TRIP6: variants seen among roughly 807,000 people sequenced by gnomAD.
TRIP6 encodes the protein thyroid hormone receptor interactor 6, also known as thyroid receptor-interacting protein 6.
Under a neutral mutation model 51.9 loss-of-function variants are expected in TRIP6, and 33 were observed. The ratio of observed to expected loss-of-function variants is 0.64; its 90% CI spans 0.48 to 0.85. The LOEUF (loss-of-function observed/expected upper bound fraction) is 0.85, where lower values mean the gene tolerates loss of function less well. Among genes scored for constraint, TRIP6 ranks in the 40% least tolerant of loss-of-function variants. The pLI, the probability that TRIP6 is intolerant of heterozygous loss-of-function variation, is 0.00. For missense variants in TRIP6, 661 were observed against 652.1 expected (o/e 1.01, Z -0.15); for synonymous variants, 255 against 275.8 (o/e 0.92, Z 0.75).
At position 100,867,448 on chromosome 7, in the gene TRIP6, C is replaced by G. The variant is rs1042917424; in HGVS notation, c.-50C>G. 4.5e-6 allele frequency: 6 copies of G among 1,330,818 alleles called. No homozygotes were observed. Among genetic ancestry groups the G allele is most frequent in the Non-Finnish European group, 5.9e-6 (6 of 1,009,620 alleles). The allele number at this position is 1,330,818 out of a possible 1,614,324, so 82.4% of individuals were successfully genotyped here. ...GCGGGACGGAAGAGGGGGTGAAGGCCAGAGGCTCGGGGCTTCAAGACCGCT... is the reference window on the plus strand; with the variant it reads ...GCGGGACGGAAGAGGGGGTGAAGGCGAGAGGCTCGGGGCTTCAAGACCGCT... On this transcript the variant is annotated 5_prime_UTR_variant, in exon 1 of 9. Transcript: ENST00000200457. This position sits in a 1 kb window ranked among gnomAD's most constrained non-coding sequence, Gnocchi z 5.4.
rs79466736 is a variant in TRIP6, at chr7:100,870,430, G to A, written c.796G>A (p.Asp266Asn). 60 of 1,611,998 alleles carry A rather than the reference G, an allele frequency of 3.7e-5. No homozygotes were observed. Among genetic ancestry groups the A allele is most frequent in the East Asian group, 6.7e-5 (3 of 44,828 alleles). ...TAGGCTGACGAAGAAGCTGGTTCACGACATGAACCACCCGCCCAGCGGGGA... is the reference window on the plus strand; with the variant it reads ...TAGGCTGACGAAGAAGCTGGTTCACAACATGAACCACCCGCCCAGCGGGGA... ...LDRLTKKLVH[D>N]MNHPPSGEYF... Residue 266 changes from aspartate (D) to asparagine (N), a missense_variant, in exon 5 of 9, where the codon GAC becomes AAC. Physicochemically the swap from Asp to Asn is conservative, Grantham distance 23. Transcript: ENST00000200457.
At position 100,868,157 on chromosome 7, in the gene TRIP6, A is replaced by T; in HGVS notation, c.287A>T (p.Glu96Val). 2.5e-6 allele frequency: 4 copies of T among 1,611,488 alleles called. No homozygotes were observed. Among genetic ancestry groups the T allele is most frequent in the Non-Finnish European group, 3.4e-6 (4 of 1,179,154 alleles). The change falls in exon 3 of 9, where the codon GAG (glutamate) becomes GTG (valine). Residue 96 changes from glutamate (E) to valine (V), a missense_variant. Physicochemically the swap from Glu to Val is moderately radical, Grantham distance 121. Transcript: ENST00000200457. The stretch of plus-strand genomic sequence containing the variant: ...CTTCGCCCTGGAAGCCTGGACGCCG[A>T]GATAGACTTGCTGAGCAGCACGCTG... Reference protein sequence around the residue: ...GGLRPGSLDAEIDLLSSTLAE... With the variant: ...GGLRPGSLDAVIDLLSSTLAE...
chr7:100,867,872 C>T lies in TRIP6; in HGVS notation c.121C>T (p.His41Tyr). 6.5e-7 allele frequency: 1 copy of T among 1,535,748 alleles called. No individual in the cohort carries two copies. Among genetic ancestry groups the T allele is most frequent in the Non-Finnish European group, 8.7e-7 (1 of 1,150,176 alleles). ...PPAHGAALQP[H>Y]PRVNFCPLPS... ...TTCCCTCAACCCAGCACTCCAGCCC[C>T]ACCCCAGGGTCAATTTTTGCCCCCT... Residue 41 changes from histidine (H) to tyrosine (Y), a missense_variant, in exon 2 of 9, where the codon CAC becomes TAC. Physicochemically the swap from His to Tyr is moderately conservative, Grantham distance 83 (BLOSUM62 2). Transcript: ENST00000200457. The surrounding 1 kb of genome is among the most constrained non-coding windows in gnomAD (Gnocchi z 5.4).
At chr7:100,868,469 G>A (rs372006313) in intron 3 of TRIP6, 26 bp from the exon 4 acceptor site, 6 of 1,612,904 alleles carry the variant, frequency 3.7e-6, no homozygotes, top group African/African-American at 2.7e-5. Context: ...CCTTGCTTAC[G>A]ACTTCTGGCC....
Position 100,868,743 on chromosome 7 carries a change from C to T in TRIP6, c.612C>T (p.Gly204=), listed in dbSNP as rs370172890. The change falls in exon 4 of 9, where the codon GGC becomes GGT. Residue 204 remains glycine, a synonymous_variant. Transcript: ENST00000200457. ...CGGGCCCCCACTTTCCTCTCCCAGG[C>T]CGAGGTGAAGTCTGGGGGCCTGGCT... ...PLPGPHFPLP[G]RGEVWGPGYR... 104 of 1,556,124 alleles carry T rather than the reference C, an allele frequency of 6.7e-5. No homozygotes were observed. The highest frequency in any genetic ancestry group is 8.4e-5 in the Non-Finnish European group (97 of 1,154,684).
At position 100,870,597 on chromosome 7, in the gene TRIP6, G is replaced by C. The variant is rs1159923770; in HGVS notation, c.853G>C (p.Asp285His). ...AGGCCAGTGTGGTGGCTGCGGAGAA[G>C]ATGTGGTTGGGGATGGGGCTGGGGT... ...YFGQCGGCGE[D>H]VVGDGAGVVA... Residue 285 changes from aspartate to histidine, a missense_variant, in exon 6 of 9, where the codon GAT becomes CAT. Coordinates refer to ENST00000200457, the MANE Select transcript of TRIP6 (RefSeq NM_003302.3). 1.9e-6 allele frequency: 3 copies of C among 1,614,156 alleles called. No individual in the cohort carries two copies. The highest frequency in any genetic ancestry group is 2.5e-6 in the Non-Finnish European group (3 of 1,180,000).
Position 100,868,169 on chromosome 7 carries a change from T to C in TRIP6, c.299T>C (p.Leu100Pro). ...PGSLDAEIDL[L>P]SSTLAELNGG... is the part of the protein sequence containing the mutation. Reference sequence around the variant, plus strand: ...AGCCTGGACGCCGAGATAGACTTGCTGAGCAGCACGCTGGCCGAGCTGAAT... The same window carrying C: ...AGCCTGGACGCCGAGATAGACTTGCCGAGCAGCACGCTGGCCGAGCTGAAT... The change falls in exon 3 of 9, where the codon CTG (leucine) becomes CCG (proline). Residue 100 changes from leucine (L) to proline (P), a missense_variant. Coordinates refer to ENST00000200457, the MANE Select transcript of TRIP6 (RefSeq NM_003302.3). The C allele has an allele frequency of 6.2e-7, 1 of 1,610,060 alleles. No homozygotes were observed. The highest frequency in any genetic ancestry group is 8.5e-7 in the Non-Finnish European group (1 of 1,178,634).
chr7:100,872,655 G>A lies in TRIP6; in HGVS notation c.1210G>A (p.Gly404Arg), dbSNP rs1815298089. ...TGCCCCAAGATGCTCAGTGTGCGGT[G>A]GGGCCATAATGCCTGAGCCAGGTCA... ...KFAPRCSVCG[G>R]AIMPEPGQEE... Residue 404 changes from glycine (G) to arginine (R), a missense_variant, in exon 8 of 9, where the codon GGG (glycine) becomes AGG (arginine). Coordinates refer to ENST00000200457, the MANE Select transcript of TRIP6 (RefSeq NM_003302.3). 6.2e-6 allele frequency: 10 copies of A among 1,614,070 alleles called. No individual in the cohort carries two copies. The highest frequency in any genetic ancestry group is 8.5e-6 in the Non-Finnish European group (10 of 1,179,966).
chr7:100,870,402 G>A lies in TRIP6; in HGVS notation c.768G>A (p.Leu256=), dbSNP rs961493866. 6.2e-7 allele frequency: 1 copy of A among 1,612,530 alleles called. No individual in the cohort carries two copies. Among genetic ancestry groups the A allele is most frequent in the Non-Finnish European group, 8.5e-7 (1 of 1,180,014 alleles). Residue 256 remains leucine (L), a synonymous_variant, in exon 5 of 9, where the codon CTG becomes CTA. Transcript: ENST00000200457. ...VPLSQPPEDE[L]DRLTKKLVHD... ...TGAGCCAGCCTCCAGAGGATGAGCT[G>A]GATAGGCTGACGAAGAAGCTGGTTC...
At chr7:100,872,500 C>T (rs1815295324) in intron 7 of TRIP6, 124 bp from the exon 8 acceptor site, 7 of 1,435,094 alleles carry the variant, frequency 4.9e-6, no homozygotes, top group Non-Finnish European at 4.7e-6. Flanking sequence ...GTCCCTTCCC[C>T]AAGACCTAAG....
At position 100,867,517 on chromosome 7, in the gene TRIP6, TGCCCCCGAAGCAGCCGGA is replaced by T; in HGVS notation, c.25_42del (p.Pro9_Pro14del). The T allele has an allele frequency of 6.6e-7, 1 of 1,506,850 alleles. No individual in the cohort carries two copies. Among genetic ancestry groups the T allele is most frequent in the South Asian group, 1.3e-5 (1 of 79,726 alleles). The allele number at this position is 1,506,850 out of a possible 1,614,324, so 93.3% of individuals were successfully genotyped here. On this transcript the variant is annotated inframe_deletion, in exon 1 of 9. Transcript: ENST00000200457. The surrounding 1 kb of genome is among the most constrained non-coding windows in gnomAD (Gnocchi z 5.4). Reference sequence around the variant, plus strand: ...CAGGCCATGTCGGGGCCCACCTGGCTGCCCCCGAAGCAGCCGGAGCCCGCCAGAGCCCCTCAGGGGAGG... The same window carrying T: ...CAGGCCATGTCGGGGCCCACCTGGCTGCCCGCCAGAGCCCCTCAGGGGAGG...
In TRIP6 at chr7:100,868,958, T is replaced by G. The variant is rs1023608360; in HGVS notation, c.735+92T>G. 1.2e-5 allele frequency: 16 copies of G among 1,386,350 alleles called. No individual in the cohort carries two copies. In the African/African-American group the frequency reaches 2.1e-4, roughly 18 times the overall value. 85.9% of individuals were successfully genotyped at this position (1,386,350 alleles called of 1,614,324 possible). A position where few individuals can be genotyped will look rare whatever the true frequency, so the allele number is the denominator to read the frequency against. ...GGTGGTGTTTTAGGGGGCTTTTTTG[T>G]TTTTTGAGACAGAGTTTTGCTCTTG... On this transcript the variant is annotated intron_variant, in intron 4 of 8. Transcript: ENST00000200457.
rs1815244851 is a variant in TRIP6, at chr7:100,870,466, G to A, written c.829+3G>A. On this transcript the variant is annotated splice_donor_region_variant and intron_variant, in intron 5 of 8. Coordinates refer to ENST00000200457, the MANE Select transcript of TRIP6 (RefSeq NM_003302.3). ...CCCGCCCAGCGGGGAGTACTTTGGTGAGCTGAGGCTGTGGGGTGGGTGGGA... is the reference window on the plus strand; with the variant it reads ...CCCGCCCAGCGGGGAGTACTTTGGTAAGCTGAGGCTGTGGGGTGGGTGGGA... 6.2e-7 allele frequency: 1 copy of A among 1,612,300 alleles called. No homozygotes were observed.
At chr7:100,872,560 G>A in intron 7 of TRIP6, 64 bp from the exon 8 acceptor site, 1 of 1,600,850 alleles carries the variant, frequency 6.2e-7, no homozygotes, top group Non-Finnish European at 8.5e-7. Flanking sequence ...CCTTCTCTGG[G>A]TTCCATTGTT....
At position 100,868,575 on chromosome 7, in the gene TRIP6, C is replaced by T. The variant is rs764795843; in HGVS notation, c.444C>T (p.Pro148=). The T allele has an allele frequency of 6.2e-7, 1 of 1,613,048 alleles. No homozygotes were observed. The highest frequency in any genetic ancestry group is 8.5e-7 in the Non-Finnish European group (1 of 1,180,008). ...PNPASPLPAS[P]YGGPTPASYT... ...CAGCCTCGCCGCTCCCAGCGTCTCC[C>T]TATGGGGGCCCCACTCCAGCCTCTT... Residue 148 remains proline (P), a synonymous_variant, in exon 4 of 9, where the codon CCC becomes CCT. Coordinates refer to ENST00000200457, the MANE Select transcript of TRIP6 (RefSeq NM_003302.3).
At position 100,867,985 on chromosome 7, in the gene TRIP6, GC is replaced by G. The variant is rs780168048; in HGVS notation, c.235del (p.Gln79ArgfsTer19). ...GGTCCCATGGAGTACTCCAGCACAC[GC>G]AGGTGAGACCCGGGATCGTGGGGTG... The part of the protein sequence containing the change: ...VGSHGVLQHT[Q>X]GLPADRGGLR... On this transcript the variant is annotated frameshift_variant and splice_region_variant, in exon 2 of 9. Coordinates refer to ENST00000200457, the MANE Select transcript of TRIP6 (RefSeq NM_003302.3). LOFTEE classifies it high-confidence loss of function. The surrounding 1 kb of genome is among the most constrained non-coding windows in gnomAD (Gnocchi z 5.4). 2.6e-6 allele frequency: 4 copies of G among 1,514,632 alleles called. No individual in the cohort carries two copies. In the African/African-American group the frequency reaches 4.2e-5, roughly 16 times the overall value. The allele number at this position is 1,514,632 out of a possible 1,614,324, so 93.8% of individuals were successfully genotyped here.
chr7:100,870,512 G>GAC (rs758461721), intron 5 of TRIP6, 49 bp downstream of exon 5: 1 of 1,606,090 alleles, frequency 6.2e-7, no homozygotes, highest in African/African-American at 1.3e-5. Context: ...GAGGCTGGGA[G>GAC]ACAGAGGGGA....
intron 7 of TRIP6, among the ~76,000 whole-genome samples, chr7:100,872,013 G>GTTTT (rs71517130): frequency 6.1e-5 from 7 of 115,232 alleles, no homozygotes; most frequent in South Asian, 2.9e-4. Flanking sequence ...AGTTTTCTTC[G>GTTTT]TTTTTTTTTT....
At chr7:100,868,302 A>AT (rs1313442356) in intron 3 of TRIP6, 69 bp downstream of exon 3, 6 of 1,573,214 alleles carry the variant, frequency 3.8e-6, no homozygotes, top group Admixed American at 1.8e-5. Flanking sequence ...AGCCTGATCG[A>AT]TCCCCCATGT....
Sources: gnomAD v4.1 joint callset for allele counts (sites outside exome capture counted in the v4.1 genomes callset) on GRCh38, gnomAD v4.1.1 for gene constraint, Gnocchi (gnomAD v3.1) non-coding constraint, MANE v1.5 for transcripts, NCBI Gene and HGNC (gene_info 2026-07-23, HGNC 2026-07-21) for gene names.